TBC1D22A: variants seen among roughly 807,000 people sequenced by gnomAD.
TBC1D22A encodes the protein putative GTPase activator.
In TBC1D22A, 38 loss-of-function variants were observed where a neutral mutation model predicts 60.2. The ratio of observed to expected loss-of-function variants is 0.63; its 90% CI spans 0.49 to 0.83. The LOEUF (loss-of-function observed/expected upper bound fraction) is 0.83, where lower values mean the gene tolerates loss of function less well. TBC1D22A is among the 40% of genes least tolerant of loss of function. The probability of loss-of-function intolerance (pLI) is 0.00; values close to 1 mark genes in which losing one functional copy is unlikely to be tolerated. For missense variants in TBC1D22A, 628 were observed against 701.0 expected, an observed-to-expected ratio of 0.90 and a Z score of 1.18; for synonymous variants, 302 against 281.7, an observed-to-expected ratio of 1.07 and a Z score of -0.72.
intron 12 of TBC1D22A, among the ~76,000 whole-genome samples, chr22:47,168,991 C>T (rs2068320023): frequency 6.6e-6 from 1 of 151,098 alleles, no homozygotes; most frequent in South Asian, 2.1e-4. Flanking sequence ...GCCTCACCTG[C>T]CCTCCGGCAT....
At chr22:46,875,273 G>T (rs1372817179) in intron 4 of TBC1D22A, among the ~76,000 whole-genome samples, 1 of 152,122 alleles carries the variant, frequency 6.6e-6, no homozygotes, top group East Asian at 1.9e-4. Context: ...CACATTCTGA[G>T]CAAAATAAAT....
chr22:46,961,120 G>T (rs904400533), intron 8 of TBC1D22A, among the ~76,000 whole-genome samples: 1 of 151,660 alleles, frequency 6.6e-6, no homozygotes, highest in Non-Finnish European at 1.5e-5. Context: ...CATTTTCTTG[G>T]TAATTAGTGT....
At chr22:46,932,238 C>T (rs2071393358) in intron 8 of TBC1D22A, among the ~76,000 whole-genome samples, 1 of 152,212 alleles carries the variant, frequency 6.6e-6, no homozygotes, top group Admixed American at 6.5e-5. Flanking sequence ...GGCGACACCA[C>T]CATACATGAC....
intron 12 of TBC1D22A, among the ~76,000 whole-genome samples, chr22:47,161,005 C>G (rs1049057225): frequency 6.6e-6 from 1 of 152,250 alleles, no homozygotes; most frequent in East Asian, 1.9e-4. Context: ...ACTGAGGTTT[C>G]CAGGGTGCTG....
chr22:46,996,434 G>A lies in TBC1D22A; in HGVS notation c.1126-1200G>A, dbSNP rs577121124. On this transcript the variant is annotated intron_variant, in intron 9 of 12. Transcript: ENST00000337137. ...CACAGGAGCCCCAGGCACAGTGCCC[G>A]TTGTTTCGCTGCCTCCCGATTCTCC... Among the ~76,000 whole-genome samples the A allele has an allele frequency of 7.2e-5, 11 of 152,346 alleles. No individual in the cohort carries two copies. In the South Asian group the frequency reaches 1.4e-3, roughly 20 times the overall value.
At chr22:47,158,510 G>C (rs575462528) in intron 12 of TBC1D22A, among the ~76,000 whole-genome samples, 2 of 152,210 alleles carry the variant, frequency 1.3e-5, no homozygotes, top group East Asian at 3.9e-4. Flanking sequence ...ACCCAGCCCC[G>C]ACAGGTTCTT....
chr22:47,030,756 C>T (rs1384765407), intron 10 of TBC1D22A, among the ~76,000 whole-genome samples: 1 of 152,236 alleles, frequency 6.6e-6, no homozygotes, highest in Non-Finnish European at 1.5e-5. Flanking sequence ...AGCATCTGCT[C>T]GCAATTACTT....
intron 10 of TBC1D22A, among the ~76,000 whole-genome samples, chr22:47,033,287 G>A (rs1241914595): frequency 6.6e-6 from 1 of 152,216 alleles, no homozygotes; most frequent in Non-Finnish European, 1.5e-5. Context: ...ATTAACTTCA[G>A]GTTAGAAATG....
intron 4 of TBC1D22A, among the ~76,000 whole-genome samples, chr22:46,846,808 CTTTTCT>C (rs370791749): frequency 4.3e-4 from 66 of 152,280 alleles, no homozygotes; most frequent in Middle Eastern, 3.4e-3. Flanking sequence ...CTGTCCCATT[CTTTTCT>C]TTTTCTTTTT....
intron 12 of TBC1D22A, among the ~76,000 whole-genome samples, chr22:47,154,726 T>C (rs1031307911): frequency 2.0e-5 from 3 of 152,222 alleles, no homozygotes; most frequent in African/African-American, 7.2e-5. Context: ...CTCTGGGACA[T>C]GTGCCCAAGG....
chr22:46,985,789 A>G (rs2074700284), intron 9 of TBC1D22A, among the ~76,000 whole-genome samples: 1 of 152,182 alleles, frequency 6.6e-6, no homozygotes, highest in Non-Finnish European at 1.5e-5. Context: ...GATTTCTCCA[A>G]CACTGCGTTC....
chr22:46,986,713 G>A (rs1311742329), intron 9 of TBC1D22A, among the ~76,000 whole-genome samples: 1 of 152,050 alleles, frequency 6.6e-6, no homozygotes, highest in East Asian at 1.9e-4. Flanking sequence ...ATATGCTAGG[G>A]GTATATACAA....
chr22:46,895,236 C>T (rs1190981624), intron 7 of TBC1D22A, among the ~76,000 whole-genome samples: 9 of 152,038 alleles, frequency 5.9e-5, no homozygotes, highest in Non-Finnish European at 7.4e-5. Context: ...TCCTGGATGA[C>T]GCTTTCTTGC....
chr22:46,853,264 G>A (rs1217635728), intron 4 of TBC1D22A, among the ~76,000 whole-genome samples: 2 of 152,182 alleles, frequency 1.3e-5, no homozygotes, highest in Non-Finnish European at 2.9e-5. Flanking sequence ...CTCACCTGCT[G>A]TGGTGGGGCA....
At chr22:46,974,822 T>G (rs2074229465) in intron 9 of TBC1D22A, among the ~76,000 whole-genome samples, 1 of 152,202 alleles carries the variant, frequency 6.6e-6, no homozygotes, top group East Asian at 1.9e-4. Context: ...CCTGCAGTAT[T>G]GGTGGCCAGG....
chr22:46,975,964 T>C (rs931953780), intron 9 of TBC1D22A, among the ~76,000 whole-genome samples: 1 of 152,220 alleles, frequency 6.6e-6, no homozygotes, highest in Non-Finnish European at 1.5e-5. Context: ...ACTAGAGATA[T>C]ATTTTGGCCC....
chr22:46,902,577 T>A (rs1389592641), intron 7 of TBC1D22A, among the ~76,000 whole-genome samples: 1 of 152,264 alleles, frequency 6.6e-6, no homozygotes, highest in Non-Finnish European at 1.5e-5. Flanking sequence ...GACAGCTCAC[T>A]TGCTGGAATG....
chr22:47,135,215 G>C (rs1184509457), intron 12 of TBC1D22A, among the ~76,000 whole-genome samples: 1 of 152,224 alleles, frequency 6.6e-6, no homozygotes, highest in Non-Finnish European at 1.5e-5. Context: ...CTGGCAGGCC[G>C]GCGCAGGGCT....
intron 4 of TBC1D22A, among the ~76,000 whole-genome samples, chr22:46,848,635 CT>C (rs1343510962): frequency 6.6e-6 from 1 of 152,132 alleles, no homozygotes; most frequent in Non-Finnish European, 1.5e-5. Flanking sequence ...GTAACAAGGG[CT>C]TTTTGGTTGG....
Sources: allele counts gnomAD v4.1 joint callset (sites outside exome capture counted in the v4.1 genomes callset), GRCh38; gene constraint gnomAD v4.1.1; transcripts MANE v1.5; gene names NCBI Gene and HGNC (gene_info 2026-07-23, HGNC 2026-07-21).